Variants in KCTD13 observed in about 807,000 individuals in gnomAD.
KCTD13 encodes BTB/POZ domain-containing adapter for CUL3-mediated RhoA degradation protein 1.
A neutral mutation model predicts 32.3 loss-of-function variants in KCTD13; 15 were observed. The observed-to-expected ratio is 0.46, with a 90% confidence interval of 0.31 to 0.71. KCTD13 has a LOEUF of 0.71. Ranked by LOEUF, KCTD13 falls within the 30% of genes least tolerant of loss-of-function variation. The pLI is 0.05. For synonymous variants in KCTD13, 189 were observed against 200.1 expected (o/e 0.94, Z 0.47); for missense variants, 337 against 452.6 (o/e 0.74, Z 2.32).
At chr16:29,910,949 C>T (rs1485593093) in intron 5 of KCTD13, 29 bp downstream of exon 5, 1 of 1,600,184 alleles carries the variant, frequency 6.2e-7, no homozygotes, top group Middle Eastern at 1.7e-4. Flanking sequence ...ACCCCCAGCC[C>T]CCAACATAGG....
At position 29,925,608 on chromosome 16, in the gene KCTD13, A is replaced by G. The variant is rs1001082253; in HGVS notation, c.244+182T>C. ...TGGGGGTAAAGGATTGGGGGAGGAG[A>G]AGAGAAATTATGAATGAGAAAGGGG... On this transcript the variant is annotated intron_variant, in intron 1 of 5. Transcript: ENST00000568000. The G allele has an allele frequency of 6.3e-6, 4 of 630,712 alleles. No individual in the cohort carries two copies. The African/African-American group carries it at 7.4e-5, about 12-fold the overall frequency. The allele number at this position is 630,712 out of a possible 1,614,324, so 39.1% of individuals were successfully genotyped here. A position where few individuals can be genotyped will look rare whatever the true frequency, so the allele number is the denominator to read the frequency against.
intron 1 of KCTD13, among the ~76,000 whole-genome samples, chr16:29,924,720 C>CTTTT (rs1214482858): frequency 2.2e-5 from 3 of 135,966 alleles, no homozygotes; most frequent in African/African-American, 5.6e-5. Context: ...GAATTCTTCC[C>CTTTT]TTTTTTTTTT....
rs1300592374 is a variant in KCTD13 at position 29,925,866 on chromosome 16, C to A, written c.168G>T (p.Leu56=). The A allele has an allele frequency of 3.1e-6, 5 of 1,613,970 alleles. No homozygotes were observed. Among genetic ancestry groups the A allele is most frequent in the Non-Finnish European group, 4.2e-6 (5 of 1,180,002 alleles). The change falls in exon 1 of 6, where the codon CTG becomes CTT. Residue 56 remains leucine (L), a synonymous_variant. Coordinates refer to ENST00000568000, the MANE Select transcript of KCTD13 (RefSeq NM_178863.5). ...NVGGSLHYTT[L]RTLTGQDTML... Reference sequence around the variant, plus strand: ...TGGTGTCCTGTCCCGTGAGGGTGCGCAGCGTGGTGTAGTGCAACGAGCCGC... The same window carrying A: ...TGGTGTCCTGTCCCGTGAGGGTGCGAAGCGTGGTGTAGTGCAACGAGCCGC...
intron 1 of KCTD13, 53 bp downstream of exon 1, chr16:29,925,737 G>T: frequency 6.4e-7 from 1 of 1,565,278 alleles, no homozygotes; most frequent in Non-Finnish European, 8.7e-7. Flanking sequence ...GAGACTGCGG[G>T]GAACGGGAGT....
chr16:29,924,745 GTCTC>G (rs1289466870), intron 1 of KCTD13, among the ~76,000 whole-genome samples: 1 of 137,274 alleles, frequency 7.3e-6, no homozygotes, highest in Non-Finnish European at 1.5e-5. Context: ...TTTTGAGACA[GTCTC>G]TCTCTGTCGC....
chr16:29,917,841 G>A (rs143796364), intron 2 of KCTD13, among the ~76,000 whole-genome samples: 4 of 152,046 alleles, frequency 2.6e-5, no homozygotes, highest in East Asian at 3.9e-4. Flanking sequence ...GCAGCTACTC[G>A]GGAGGCTGAG....
In KCTD13 at chr16:29,906,569, A is replaced by G. The variant is rs1350188342; in HGVS notation, c.*303T>C. ...CACACTTTGGCATGGACGATGCACT[A>G]AAAAAAGAGAAAGGGAATTCTAAAT... On this transcript the variant is annotated 3_prime_UTR_variant, in exon 6 of 6. Coordinates refer to ENST00000568000, the MANE Select transcript of KCTD13 (RefSeq NM_178863.5). The G allele has an allele frequency of 3.8e-6, 2 of 527,112 alleles. No individual in the cohort carries two copies. Among genetic ancestry groups the G allele is most frequent in the African/African-American group, 3.8e-5 (2 of 52,600 alleles). The allele number at this position is 527,112 out of a possible 1,614,324, so 32.7% of individuals were successfully genotyped here.
At chr16:29,911,568 A>G (rs1261425709) in intron 4 of KCTD13, 2 of 592,310 alleles carry the variant, frequency 3.4e-6, no homozygotes, top group Non-Finnish European at 6.0e-6. Context: ...CTAGAATGAG[A>G]GCACTTGGGA....
intron 1 of KCTD13, among the ~76,000 whole-genome samples, chr16:29,924,059 A>G (rs1318736337): frequency 1.3e-5 from 2 of 150,610 alleles, no homozygotes; most frequent in East Asian, 3.9e-4. Context: ...CTGTAATCCC[A>G]GCTACTCAGG....
rs575211836 is a variant in KCTD13, at chr16:29,910,384, G to A, written c.753+594C>T. Among the ~76,000 whole-genome samples the A allele has an allele frequency of 2.6e-5, 4 of 151,672 alleles. No homozygotes were observed. In the East Asian group the frequency reaches 5.8e-4, roughly 22 times the overall value. On this transcript the variant is annotated intron_variant, in intron 5 of 5. Transcript: ENST00000568000. Reference sequence around the variant, plus strand: ...CTGCACTACAGCCTGGTGACACAACGAGACTCCATCTCAAATAATAATAAT... The same window carrying A: ...CTGCACTACAGCCTGGTGACACAACAAGACTCCATCTCAAATAATAATAAT...
chr16:29,909,587 A>G (rs1292618279), intron 5 of KCTD13, among the ~76,000 whole-genome samples: 2 of 152,162 alleles, frequency 1.3e-5, no homozygotes, highest in African/African-American at 4.8e-5. Context: ...TGATTGCCAC[A>G]TTAATGACTC....
chr16:29,909,998 C>T (rs1238459296), intron 5 of KCTD13, among the ~76,000 whole-genome samples: 4 of 151,134 alleles, frequency 2.6e-5, no homozygotes, highest in African/African-American at 9.7e-5. Flanking sequence ...ACTTGGGAGG[C>T]TGAGGCAGGA....
intron 5 of KCTD13, 89 bp from the exon 6 acceptor site, chr16:29,907,197 C>G: frequency 1.3e-5 from 11 of 870,054 alleles, no homozygotes; most frequent in Non-Finnish European, 2.0e-5. Flanking sequence ...ACCAACACAC[C>G]TCCTAGCCCT....
rs752436259 is a variant in KCTD13 at position 29,925,907 on chromosome 16, C to A, written c.127G>T (p.Val43Leu). 6.2e-7 allele frequency: 1 copy of A among 1,614,070 alleles called. No individual in the cohort carries two copies. The highest frequency in any genetic ancestry group is 8.5e-7 in the Non-Finnish European group (1 of 1,179,968). The change falls in exon 1 of 6, where the codon GTG (valine) becomes TTG (leucine). Residue 43 changes from valine (V) to leucine (L), a missense_variant. Val to Leu is a conservative substitution (Grantham distance 32). Coordinates refer to ENST00000568000, the MANE Select transcript of KCTD13 (RefSeq NM_178863.5). ...LKPLTPNSKY[V>L]KLNVGGSLHY... is the part of the protein sequence containing the mutation. ...AACGAGCCGCCCACGTTCAGCTTCA[C>A]GTATTTGCTGTTCGGGGTCAGCGGC...
chr16:29,921,007 G>A (rs968446729), intron 2 of KCTD13: 5 of 152,092 alleles, frequency 3.3e-5, no homozygotes, highest in African/African-American at 4.8e-5. Context: ...TCAGGGGAAT[G>A]TATGAACAAA....
chr16:29,909,557 G>A (rs933294583), intron 5 of KCTD13, among the ~76,000 whole-genome samples: 3 of 152,134 alleles, frequency 2.0e-5, no homozygotes, highest in Non-Finnish European at 4.4e-5. Context: ...CACAGAGCAG[G>A]GGCTTGGGGA....
At chr16:29,911,458 C>T (rs2068707872) in intron 4 of KCTD13, 2 of 564,776 alleles carry the variant, frequency 3.5e-6, no homozygotes, top group Non-Finnish European at 6.3e-6. Context: ...AACTGGGTGA[C>T]ACTAGGCAAG....
chr16:29,913,291 T>G (rs998248280), intron 2 of KCTD13: 4 of 152,130 alleles, frequency 2.6e-5, no homozygotes, highest in African/African-American at 9.7e-5. Context: ...CCCTGCCAGA[T>G]ATTAAGATAG....
chr16:29,911,975 C>T lies in KCTD13; in HGVS notation c.489G>A (p.Leu163=), dbSNP rs2068721486. Residue 163 remains leucine, a synonymous_variant, in exon 3 of 6, where the codon CTG becomes CTA. Transcript: ENST00000568000. ...GGGGCCTCACCTTGGAGGTGCTGGC[C>T]AGGAGCTGCTGCTCCTCCCGGGGAG... ...VTSPREEQQL[L]ASTSKPVVKL... 1 of 1,611,640 alleles carries T rather than the reference C, an allele frequency of 6.2e-7. No individual in the cohort carries two copies.
Sources: gnomAD v4.1 joint callset for allele counts (sites outside exome capture counted in the v4.1 genomes callset) on GRCh38, gnomAD v4.1.1 for gene constraint, MANE v1.5 for transcripts, NCBI Gene and HGNC (gene_info 2026-07-23, HGNC 2026-07-21) for gene names.